PYM1: variants seen among roughly 807,000 people sequenced by gnomAD.
PYM1 encodes partner of Y14 and mago.
Under a neutral mutation model 20.7 loss-of-function variants are expected in PYM1, and 7 were observed. The ratio of observed to expected loss-of-function variants is 0.34; its 90% CI spans 0.19 to 0.64. The LOEUF is 0.64. Ranked by LOEUF, PYM1 falls within the 30% of genes least tolerant of loss-of-function variation. PYM1 has a pLI of 0.74. For missense variants in PYM1, 194 were observed against 250.0 expected, an observed-to-expected ratio of 0.78 and a Z score of 1.51; for synonymous variants, 100 against 99.2, an observed-to-expected ratio of 1.01 and a Z score of -0.05.
intron 1 of PYM1, among the ~76,000 whole-genome samples, chr12:55,906,879 C>T (rs1882826032): frequency 6.6e-6 from 1 of 151,934 alleles, no homozygotes; most frequent in South Asian, 2.1e-4. Context: ...AACTCCCGAC[C>T]TCAGGTGATC....
intron 1 of PYM1, among the ~76,000 whole-genome samples, chr12:55,913,181 C>A (rs181128757): frequency 5.3e-4 from 80 of 152,302 alleles, no homozygotes; most frequent in African/African-American, 1.8e-3. Context: ...TTAAAACTTG[C>A]TTTCTGTGCA....
chr12:55,922,033 C>A (rs1883105946), intron 1 of PYM1, among the ~76,000 whole-genome samples: 1 of 151,866 alleles, frequency 6.6e-6, no homozygotes, highest in African/African-American at 2.4e-5. Context: ...GCCACCTTAC[C>A]CAGCTCGTTT....
chr12:55,906,957 C>T (rs903574617), intron 1 of PYM1, among the ~76,000 whole-genome samples: 3 of 151,786 alleles, frequency 2.0e-5, no homozygotes, highest in African/African-American at 7.3e-5. Context: ...CAGTATGGTA[C>T]TATTCTTGTT....
intron 1 of PYM1, 39 bp downstream of exon 1, chr12:55,927,686 G>A (rs1246489558): frequency 2.0e-6 from 3 of 1,538,118 alleles, no homozygotes. Context: ...AGACCCGCGG[G>A]AGGGGCGTGC....
At chr12:55,911,155 C>T (rs1882915948) in intron 1 of PYM1, among the ~76,000 whole-genome samples, 1 of 152,184 alleles carries the variant, frequency 6.6e-6, no homozygotes, top group African/African-American at 2.4e-5. Flanking sequence ...GTAGCCCAGG[C>T]TGGAGTGCAG....
chr12:55,923,580 A>T (rs1007191988), intron 1 of PYM1, among the ~76,000 whole-genome samples: 3 of 151,676 alleles, frequency 2.0e-5, no homozygotes, highest in Admixed American at 6.6e-5. Flanking sequence ...AAAAAAAAAC[A>T]AAACTAATGA....
At chr12:55,905,888 AT>A (rs1882797044) in intron 1 of PYM1, among the ~76,000 whole-genome samples, 4 of 72,692 alleles carry the variant, frequency 5.5e-5, no homozygotes, top group South Asian at 1.0e-3. Flanking sequence ...AGATATATAT[AT>A]TATTATATAT....
At chr12:55,924,689 A>G (rs1883159081) in intron 1 of PYM1, among the ~76,000 whole-genome samples, 2 of 152,264 alleles carry the variant, frequency 1.3e-5, no homozygotes, top group Admixed American at 6.5e-5. Flanking sequence ...TTTATTATTT[A>G]TTTTTGAGAC....
intron 1 of PYM1, among the ~76,000 whole-genome samples, chr12:55,916,783 A>G (rs1345048782): frequency 6.6e-6 from 1 of 151,142 alleles, no homozygotes; most frequent in East Asian, 2.0e-4. Flanking sequence ...CTGGGCAACA[A>G]CAGCAAAAGT....
intron 1 of PYM1, among the ~76,000 whole-genome samples, chr12:55,917,190 C>G (rs970240263): frequency 1.3e-5 from 2 of 151,700 alleles, no homozygotes; most frequent in Non-Finnish European, 2.9e-5. Context: ...GAGACCAAGA[C>G]GGGTGGATCA....
At chr12:55,904,101 AGG>A (rs1464227668) in intron 1 of PYM1, among the ~76,000 whole-genome samples, 2 of 151,780 alleles carry the variant, frequency 1.3e-5, no homozygotes, top group Admixed American at 1.3e-4. Context: ...CCGAGTAGCT[AGG>A]ATTACAGGCC....
chr12:55,914,346 G>A, intron 1 of PYM1: 2 of 702,372 alleles, frequency 2.8e-6, no homozygotes, highest in Non-Finnish European at 5.2e-6. Context: ...AAAGAAGGGA[G>A]AGGTTTGGCG....
At position 55,927,883 on chromosome 12, in the gene PYM1, C is replaced by T. The variant is rs1592644513; in HGVS notation, c.-122G>A. The stretch of plus-strand genomic sequence containing the variant: ...CCTAGTTGCTTCTCGCCCAGACCTC[C>T]TAACCCTGAGTGCCTCCTCGGGCTG... On this transcript the variant is annotated 5_prime_UTR_variant, in exon 1 of 3. Coordinates refer to ENST00000408946, the MANE Select transcript of PYM1 (RefSeq NM_032345.3). 1 of 1,329,870 alleles carries T rather than the reference C, an allele frequency of 7.5e-7. No individual in the cohort carries two copies. Among genetic ancestry groups the T allele is most frequent in the Non-Finnish European group, 1.0e-6 (1 of 989,142 alleles). 82.4% of individuals were successfully genotyped at this position (1,329,870 alleles called of 1,614,324 possible).
chr12:55,901,488 T>G lies in PYM1; in HGVS notation c.*384A>C. On this transcript the variant is annotated 3_prime_UTR_variant, in exon 3 of 3. Transcript: ENST00000408946. ...AAAAAATGAGGGATGGAGAGGGAAA[T>G]AACCCATAAACACCGCGAACAGGAA... 5.9e-6 allele frequency: 1 copy of G among 168,220 alleles called. No homozygotes were observed. The highest frequency in any genetic ancestry group is 1.3e-5 in the Non-Finnish European group (1 of 79,770). The allele number at this position is 168,220 out of a possible 1,614,324, so 10.4% of individuals were successfully genotyped here. A position where few individuals can be genotyped will look rare whatever the true frequency, so the allele number is the denominator to read the frequency against.
chr12:55,917,892 A>G (rs1381760577), intron 1 of PYM1, among the ~76,000 whole-genome samples: 2 of 151,920 alleles, frequency 1.3e-5, no homozygotes, highest in Admixed American at 6.6e-5. Flanking sequence ...CCCGGGAGAT[A>G]GAGGTTGTAG....
At chr12:55,926,262 C>A (rs1883185259) in intron 1 of PYM1, among the ~76,000 whole-genome samples, 1 of 152,194 alleles carries the variant, frequency 6.6e-6, no homozygotes, top group Admixed American at 6.5e-5. Context: ...TAGGAAGGGA[C>A]AAAACCATGA....
At chr12:55,926,536 G>T (rs1392496005) in intron 1 of PYM1, among the ~76,000 whole-genome samples, 1 of 152,190 alleles carries the variant, frequency 6.6e-6, no homozygotes, top group Non-Finnish European at 1.5e-5. Context: ...GCTGAAAGTT[G>T]TATTAGGGTC....
chr12:55,926,503 G>T (rs975557875), intron 1 of PYM1, among the ~76,000 whole-genome samples: 5 of 152,194 alleles, frequency 3.3e-5, no homozygotes, highest in African/African-American at 4.8e-5. Context: ...GCGAAGGGTG[G>T]CTCCATCAGG....
intron 1 of PYM1, among the ~76,000 whole-genome samples, chr12:55,924,880 T>G (rs1036370456): frequency 3.3e-5 from 5 of 152,224 alleles, no homozygotes; most frequent in African/African-American, 9.6e-5. Flanking sequence ...AGACGGGGTT[T>G]CACCATATTG....
Sources: gnomAD v4.1 joint callset for allele counts (sites outside exome capture counted in the v4.1 genomes callset) on GRCh38, gnomAD v4.1.1 for gene constraint, MANE v1.5 for transcripts, NCBI Gene and HGNC (gene_info 2026-07-23, HGNC 2026-07-21) for gene names.